Variants in MYT1L observed in about 807,000 individuals in gnomAD.
The protein encoded by MYT1L is myelin transcription factor 1 like, also known as myelin transcription factor 1-like protein.
MYT1L carries 12 observed loss-of-function variants against 126.7 expected under a neutral mutation model. The ratio of observed to expected loss-of-function variants is 0.09; its 90% CI spans 0.06 to 0.15. MYT1L has a LOEUF of 0.15. MYT1L is among the 10% of genes least tolerant of loss of function. MYT1L has a pLI of 1.00. For missense variants in MYT1L, 979 were observed against 1,585.2 expected (o/e 0.62, Z 6.49); for synonymous variants, 541 against 604.2 (o/e 0.90, Z 1.53).
chr2:2,295,510 T>G (rs1573282012), intron 1 of MYT1L, among the ~76,000 whole-genome samples: 11 of 133,638 alleles, frequency 8.2e-5, no homozygotes, highest in Non-Finnish European at 1.1e-4. Flanking sequence ...AGTGTGGGGG[T>G]GGGGGCAGAG....
intron 2 of MYT1L, among the ~76,000 whole-genome samples, chr2:2,222,633 A>G (rs1202984482): frequency 6.6e-6 from 1 of 152,126 alleles, no homozygotes; most frequent in Non-Finnish European, 1.5e-5. Flanking sequence ...TTTTTTGGCC[A>G]TATTATCACA....
intron 23 of MYT1L, among the ~76,000 whole-genome samples, chr2:1,798,412 T>A (rs2034218407): frequency 6.6e-6 from 1 of 152,230 alleles, no homozygotes; most frequent in African/African-American, 2.4e-5. Context: ...GCTGTAGGCC[T>A]GAGCACTGAC....
intron 8 of MYT1L, among the ~76,000 whole-genome samples, chr2:1,965,647 C>T (rs1193880487): frequency 6.6e-6 from 1 of 152,222 alleles, no homozygotes; most frequent in Non-Finnish European, 1.5e-5. Flanking sequence ...AGAGAGTAGG[C>T]CATCCCTCTG....
chr2:2,079,819 A>AG (rs1000559987), intron 3 of MYT1L, among the ~76,000 whole-genome samples: 1 of 152,142 alleles, frequency 6.6e-6, no homozygotes, highest in Admixed American at 6.5e-5. Flanking sequence ...CTCAAAAAAA[A>AG]AAAAGAAAGA....
At chr2:1,877,459 A>T (rs866395995) in intron 18 of MYT1L, among the ~76,000 whole-genome samples, 31 of 152,152 alleles carry the variant, frequency 2.0e-4, no homozygotes, top group African/African-American at 7.2e-4. Flanking sequence ...ATGTCCAAAA[A>T]GTCATTGAAA....
chr2:2,191,907 C>T (rs2092607068), intron 2 of MYT1L, among the ~76,000 whole-genome samples: 1 of 152,184 alleles, frequency 6.6e-6, no homozygotes, highest in Admixed American at 6.5e-5. Flanking sequence ...TTAATTTTTT[C>T]CTAAATATTT....
chr2:1,862,268 T>A (rs989828415), intron 18 of MYT1L, among the ~76,000 whole-genome samples: 130 of 151,796 alleles, frequency 8.6e-4, no homozygotes, highest in African/African-American at 2.3e-3. Context: ...AAGAGGTTTT[T>A]AAAAAAAAAT....
intron 2 of MYT1L, among the ~76,000 whole-genome samples, chr2:2,176,687 C>T (rs569369579): frequency 3.1e-3 from 465 of 152,064 alleles, no homozygotes; most frequent in African/African-American, 0.011. Flanking sequence ...TTAGTAGAGA[C>T]GGGGTTTCAC....
intron 2 of MYT1L, among the ~76,000 whole-genome samples, chr2:2,179,392 C>T (rs928846133): frequency 6.6e-6 from 1 of 152,116 alleles, no homozygotes; most frequent in African/African-American, 2.4e-5. Flanking sequence ...TTCACCCTCC[C>T]TACCAGACCC....
chr2:2,264,292 G>A (rs969463581), intron 2 of MYT1L, among the ~76,000 whole-genome samples: 11 of 152,120 alleles, frequency 7.2e-5, no homozygotes, highest in Admixed American at 5.2e-4. Flanking sequence ...GCCCAGCGTG[G>A]AACCCTAAGA....
At chr2:1,996,775 C>T (rs1284296985) in intron 5 of MYT1L, among the ~76,000 whole-genome samples, 3 of 141,896 alleles carry the variant, frequency 2.1e-5, no homozygotes, top group Non-Finnish European at 3.0e-5. Context: ...TGTAGACGGG[C>T]CGCCTTTACC....
intron 2 of MYT1L, among the ~76,000 whole-genome samples, chr2:2,195,970 A>G (rs755881145): frequency 3.9e-5 from 6 of 152,276 alleles, no homozygotes; most frequent in Non-Finnish European, 8.8e-5. Flanking sequence ...AAGAGGAGCA[A>G]AAGCAGTATT....
intron 3 of MYT1L, among the ~76,000 whole-genome samples, chr2:2,072,639 T>C (rs772875475): frequency 1.7e-4 from 26 of 152,146 alleles, no homozygotes; most frequent in Non-Finnish European, 3.2e-4. Flanking sequence ...CGATCTCCAA[T>C]TGTAATCCCC....
chr2:2,113,331 C>A (rs2079739530), intron 3 of MYT1L, among the ~76,000 whole-genome samples: 1 of 152,148 alleles, frequency 6.6e-6, no homozygotes, highest in South Asian at 2.1e-4. Context: ...GCTGTATGAT[C>A]CAGGTGCAAA....
intron 4 of MYT1L, among the ~76,000 whole-genome samples, chr2:2,010,875 T>C (rs1290974852): frequency 3.3e-5 from 5 of 152,120 alleles, no homozygotes; most frequent in South Asian, 2.1e-4. Flanking sequence ...GCGTCTACTG[T>C]CAACAGACTC....
In MYT1L at chr2:1,806,301, T is replaced by A. The variant is rs1167465000; in HGVS notation, c.3172+2775A>T. On this transcript the variant is annotated intron_variant, in intron 22 of 24. Transcript: ENST00000647738. This position sits in a 1 kb window ranked among gnomAD's most constrained non-coding sequence, Gnocchi z 4.9. ...CCCAGTGACCTGCAGCTCCTCTTTT[T>A]TACCCATGGACGTGCGTGCATTAGG... 6.6e-6 allele frequency among the ~76,000 whole-genome samples: 1 copy of A among 152,194 alleles called. No individual in the cohort carries two copies. The highest frequency in any genetic ancestry group is 2.4e-5 in the African/African-American group (1 of 41,446).
In MYT1L at chr2:2,210,938, T is replaced by C. The variant is rs1172689951; in HGVS notation, c.-420-37950A>G. 3.3e-5 allele frequency among the ~76,000 whole-genome samples: 5 copies of C among 152,196 alleles called. 1 individual carries two copies. The highest frequency in any genetic ancestry group is 2.6e-4 in the Admixed American group (4 of 15,282). On this transcript the variant is annotated intron_variant, in intron 2 of 24. Transcript: ENST00000647738. ...TTTATAGTTTTTGTTGTAAAGATAT[T>C]TTACTTCTTTGGTTAAGTTACTTCC...
At chr2:2,157,039 G>T (rs1361567180) in intron 3 of MYT1L, among the ~76,000 whole-genome samples, 1 of 152,084 alleles carries the variant, frequency 6.6e-6, no homozygotes, top group African/African-American at 2.4e-5. Context: ...TGTTACAATG[G>T]GTTCGGCAAA....
At chr2:2,191,220 G>T (rs1026561792) in intron 2 of MYT1L, among the ~76,000 whole-genome samples, 8 of 152,336 alleles carry the variant, frequency 5.3e-5, no homozygotes, top group Non-Finnish European at 7.3e-5. Flanking sequence ...ATGAAGGAGG[G>T]ATGGGAATGG....
Sources: allele counts gnomAD v4.1 joint callset (sites outside exome capture counted in the v4.1 genomes callset), GRCh38; gene constraint gnomAD v4.1.1; non-coding constraint Gnocchi (gnomAD v3.1); transcripts MANE v1.5; gene names NCBI Gene and HGNC (gene_info 2026-07-23, HGNC 2026-07-21).